The following LGSN variants were observed in gnomAD, a reference collection of about 807,000 sequenced individuals.
The protein encoded by LGSN is lengsin.
LGSN carries 21 observed loss-of-function variants against 19.5 expected under a neutral mutation model. The ratio of observed to expected loss-of-function variants is 1.07; its 90% CI spans 0.76 to 1.55. LGSN has a LOEUF of 1.55. Ranked by LOEUF, LGSN falls within the 40% of genes most tolerant of loss-of-function variation. The probability of loss-of-function intolerance (pLI) is 0.00; values close to 1 mark genes in which losing one functional copy is unlikely to be tolerated. For synonymous variants in LGSN, 257 were observed against 215.6 expected, an observed-to-expected ratio of 1.19 and a Z score of -1.68; for missense variants, 673 against 608.5, an observed-to-expected ratio of 1.11 and a Z score of -1.12.
chr6:63,482,745 G>C, the LGSN span, among the ~76,000 whole-genome samples: 1 of 152,182 alleles, frequency 6.6e-6, no homozygotes, highest in Non-Finnish European at 1.5e-5. Context: ...ATGTCACCCA[G>C]GCTGCAGTGC....
rs907040976 is a variant in LGSN at position 63,278,969 on chromosome 6, C to T, written c.*1052G>A. On this transcript the variant is annotated 3_prime_UTR_variant, in exon 4 of 4. Transcript: ENST00000370657. ...AAGCAGTAGAATAATGTTTCATTTG[C>T]TAGTAAGTGGATTTTGGACTTCTTC... The T allele has an allele frequency of 1.6e-4, 25 of 152,254 alleles. No individual in the cohort carries two copies. The highest frequency in any genetic ancestry group is 5.1e-4 in the African/African-American group (21 of 41,554). 9.4% of individuals were successfully genotyped at this position (152,254 alleles called of 1,614,324 possible).
the LGSN span, among the ~76,000 whole-genome samples, chr6:63,471,539 G>A: frequency 2.0e-5 from 3 of 151,800 alleles, no homozygotes; most frequent in African/African-American, 7.3e-5. Context: ...GGTGGCAGGT[G>A]CCTGTAATCC....
chr6:63,292,445 G>A (rs1767810333), intron 2 of LGSN, among the ~76,000 whole-genome samples: 1 of 152,134 alleles, frequency 6.6e-6, no homozygotes, highest in Admixed American at 6.5e-5. Flanking sequence ...AGAATGTCTT[G>A]CCTGACAAGA....
chr6:63,437,014 G>A, the LGSN span, among the ~76,000 whole-genome samples: 1 of 146,000 alleles, frequency 6.8e-6, no homozygotes, highest in African/African-American at 2.5e-5. Flanking sequence ...TCCAGCCTGG[G>A]CAACAGAGCA....
At chr6:63,449,214 G>A in the LGSN span, among the ~76,000 whole-genome samples, 4 of 152,070 alleles carry the variant, frequency 2.6e-5, no homozygotes, top group Admixed American at 2.6e-4. Context: ...CACCAGGACA[G>A]CAGAGAAAGA....
At chr6:63,523,478 T>C in the LGSN span, among the ~76,000 whole-genome samples, 461 of 152,198 alleles carry the variant, frequency 3.0e-3, 4 homozygotes, top group African/African-American at 0.01. Context: ...GCCACTGCAC[T>C]CTAGCCTGGG....
In LGSN at chr6:63,285,630, T is replaced by C; in HGVS notation, c.287A>G (p.His96Arg). 6.2e-7 allele frequency: 1 copy of C among 1,614,016 alleles called. No homozygotes were observed. ...QFVRFEATDL[H>R]GVSRSKTIPA... ...GATAGTCTTAGACCTGGACACGCCG[T>C]GGAGGTCTGTTGCTTCAAATCGTAC... The change falls in exon 3 of 4, where the codon CAC (histidine) becomes CGC (arginine). Residue 96 changes from histidine (H) to arginine (R), a missense_variant. Transcript: ENST00000370657.
At chr6:63,357,582 C>G in the LGSN span, among the ~76,000 whole-genome samples, 19,811 of 152,124 alleles carry the variant, frequency 0.13, 2,851 homozygotes, top group African/African-American at 0.36. Flanking sequence ...CTGATGGCCA[C>G]TGATGATGAA....
intron 1 of LGSN, 99 bp downstream of exon 1, chr6:63,319,815 G>A: frequency 1.2e-6 from 1 of 810,890 alleles, no homozygotes; most frequent in Non-Finnish European, 2.1e-6. Context: ...GTATAATTAT[G>A]CTGCCCTTAT....
At chr6:63,298,745 C>T (rs574542015) in intron 1 of LGSN, among the ~76,000 whole-genome samples, 8 of 152,254 alleles carry the variant, frequency 5.3e-5, no homozygotes, top group Admixed American at 2.6e-4. Context: ...GTGGAATGCT[C>T]CAAATAAACA....
At chr6:63,557,189 A>G in the LGSN span, among the ~76,000 whole-genome samples, 2 of 152,222 alleles carry the variant, frequency 1.3e-5, no homozygotes, top group Non-Finnish European at 2.9e-5. Flanking sequence ...GAATGCTGCA[A>G]TAGAGGTATT....
chr6:63,378,072 A>G, the LGSN span, among the ~76,000 whole-genome samples: 2 of 151,806 alleles, frequency 1.3e-5, no homozygotes, highest in Non-Finnish European at 1.5e-5. Flanking sequence ...CACTTGAAGA[A>G]GAGATGGAAA....
chr6:63,573,044 C>T, the LGSN span, among the ~76,000 whole-genome samples: 12 of 152,110 alleles, frequency 7.9e-5, no homozygotes, highest in African/African-American at 2.9e-4. Flanking sequence ...TTTCGGCTTC[C>T]GCAGCGGGCC....
chr6:63,457,356 T>G, the LGSN span, among the ~76,000 whole-genome samples: 1 of 151,668 alleles, frequency 6.6e-6, no homozygotes, highest in African/African-American at 2.4e-5. Flanking sequence ...AATACAAAAT[T>G]TAGCCAGTCG....
chr6:63,358,491 A>T, the LGSN span, among the ~76,000 whole-genome samples: 1 of 150,710 alleles, frequency 6.6e-6, no homozygotes, highest in Non-Finnish European at 1.5e-5. Context: ...ATTTGTTTGT[A>T]TCCTCTTTTA....
chr6:63,401,740 A>G, the LGSN span, among the ~76,000 whole-genome samples: 1 of 152,230 alleles, frequency 6.6e-6, no homozygotes, highest in Non-Finnish European at 1.5e-5. Flanking sequence ...GTTTAGCTCT[A>G]GAGAAGTCTG....
the LGSN span, among the ~76,000 whole-genome samples, chr6:63,353,575 A>C: frequency 6.7e-6 from 1 of 150,052 alleles, no homozygotes. Context: ...TTTTAGAAAG[A>C]AGCAGTTTGT....
chr6:63,303,121 G>A (rs1768253402), intron 1 of LGSN, among the ~76,000 whole-genome samples: 1 of 152,106 alleles, frequency 6.6e-6, no homozygotes, highest in African/African-American at 2.4e-5. Context: ...CTGGTGTCAT[G>A]ACTATTCTAA....
the LGSN span, among the ~76,000 whole-genome samples, chr6:63,423,998 C>G: frequency 8.5e-5 from 13 of 152,230 alleles, no homozygotes; most frequent in African/African-American, 2.9e-4. Context: ...CAAGATCATG[C>G]CACTACACTG....
Sources: allele counts gnomAD v4.1 joint callset (sites outside exome capture counted in the v4.1 genomes callset), GRCh38; gene constraint gnomAD v4.1.1; transcripts MANE v1.5; gene names NCBI Gene and HGNC (gene_info 2026-07-23, HGNC 2026-07-21).